Variants in RHOT1 observed in about 807,000 individuals in gnomAD.
The protein encoded by RHOT1 is mitochondrial Rho GTPase 1.
In RHOT1, 27 loss-of-function variants were observed where a neutral mutation model predicts 95.3. That is an observed-to-expected ratio of 0.28 (90% CI 0.21 to 0.39). The LOEUF is 0.39. RHOT1 is among the 10% of genes least tolerant of loss of function. RHOT1 has a pLI of 1.00. For missense variants in RHOT1, 578 were observed against 786.7 expected, an observed-to-expected ratio of 0.73 and a Z score of 3.17; for synonymous variants, 227 against 263.5, an observed-to-expected ratio of 0.86 and a Z score of 1.34.
chr17:32,196,717 G>A (rs1218838248), intron 11 of RHOT1, among the ~76,000 whole-genome samples: 2 of 152,160 alleles, frequency 1.3e-5, no homozygotes, highest in African/African-American at 4.8e-5. Flanking sequence ...AGATGACAAT[G>A]TTTCTCAGCA....
At chr17:32,144,654 A>T (rs1598260878) in intron 1 of RHOT1, among the ~76,000 whole-genome samples, 1 of 151,678 alleles carries the variant, frequency 6.6e-6, no homozygotes, top group South Asian at 2.1e-4. Context: ...TTTGAGACCA[A>T]CCTGGGCAAT....
At chr17:32,148,887 A>G (rs973982934) in intron 1 of RHOT1, among the ~76,000 whole-genome samples, 1 of 152,228 alleles carries the variant, frequency 6.6e-6, no homozygotes, top group African/African-American at 2.4e-5. Context: ...TAGATGTTCA[A>G]AAGATGTGAT....
intron 19 of RHOT1, chr17:32,222,817 A>G (rs1051587027): frequency 8.1e-6 from 8 of 983,814 alleles, no homozygotes; most frequent in African/African-American, 1.7e-5. Flanking sequence ...TGAGGGCAGT[A>G]TTACTCACCA....
At chr17:32,154,346 T>C (rs532130771) in intron 1 of RHOT1, among the ~76,000 whole-genome samples, 6 of 149,990 alleles carry the variant, frequency 4.0e-5, no homozygotes, top group East Asian at 3.9e-4. Context: ...TTTGGGAGGC[T>C]GAGGTGGGCA....
rs1368330852 is a variant in RHOT1, at chr17:32,225,329, T to G, written c.*596T>G. The G allele has an allele frequency of 6.6e-6, 1 of 152,636 alleles. No homozygotes were observed. Among genetic ancestry groups the G allele is most frequent in the Non-Finnish European group, 1.5e-5 (1 of 68,038 alleles). 9.5% of individuals were successfully genotyped at this position (152,636 alleles called of 1,614,324 possible). A position where few individuals can be genotyped will look rare whatever the true frequency, so the allele number is the denominator to read the frequency against. On this transcript the variant is annotated 3_prime_UTR_variant, in exon 20 of 20. Transcript: ENST00000545287. Reference sequence around the variant, plus strand: ...AAACTTGTGTAGCTGAGTGTGCAGCTCACCTTTAAGGGTGAAGTTAGGTAA... The same window carrying G: ...AAACTTGTGTAGCTGAGTGTGCAGCGCACCTTTAAGGGTGAAGTTAGGTAA...
chr17:32,194,465 T>A (rs1369178854), intron 11 of RHOT1, among the ~76,000 whole-genome samples: 1 of 152,190 alleles, frequency 6.6e-6, no homozygotes, highest in Non-Finnish European at 1.5e-5. Flanking sequence ...CAGTATAGGA[T>A]CTTTACCACA....
At chr17:32,210,725 C>T (rs912875180) in intron 18 of RHOT1, among the ~76,000 whole-genome samples, 4 of 151,964 alleles carry the variant, frequency 2.6e-5, no homozygotes, top group East Asian at 3.9e-4. Flanking sequence ...GTTATTTAAA[C>T]GCTAGCAAAC....
At chr17:32,211,616 CT>C (rs1277532838) in intron 19 of RHOT1, among the ~76,000 whole-genome samples, 4 of 152,054 alleles carry the variant, frequency 2.6e-5, no homozygotes, top group Non-Finnish European at 5.9e-5. Flanking sequence ...TTATACTGTA[CT>C]CAGCTTACAA....
chr17:32,152,410 C>T (rs540404556), intron 1 of RHOT1, among the ~76,000 whole-genome samples: 1 of 152,138 alleles, frequency 6.6e-6, no homozygotes, highest in Admixed American at 6.5e-5. Context: ...CATAGGGAGT[C>T]CATGGGAAAA....
At chr17:32,164,416 T>C (rs536854954) in intron 1 of RHOT1, among the ~76,000 whole-genome samples, 2 of 151,800 alleles carry the variant, frequency 1.3e-5, no homozygotes, top group South Asian at 4.2e-4. Context: ...GTATTTTTAG[T>C]AGAGACGGGG....
chr17:32,178,626 G>T (rs544271924), intron 6 of RHOT1, among the ~76,000 whole-genome samples: 1 of 152,280 alleles, frequency 6.6e-6, no homozygotes, highest in South Asian at 2.1e-4. Context: ...TCTAGGAAGT[G>T]AGGAGCATCT....
At chr17:32,151,966 A>G (rs1299420074) in intron 1 of RHOT1, among the ~76,000 whole-genome samples, 2 of 151,318 alleles carry the variant, frequency 1.3e-5, no homozygotes, top group Non-Finnish European at 2.9e-5. Flanking sequence ...AAGATCTTTT[A>G]TTGTACAATT....
At chr17:32,143,102 C>T (rs557415410) in intron 1 of RHOT1, 227 of 591,956 alleles carry the variant, frequency 3.8e-4, no homozygotes, top group Non-Finnish European at 7.0e-4. Flanking sequence ...CCCAGGCCGC[C>T]TCCTTTCAGA....
intron 8 of RHOT1, among the ~76,000 whole-genome samples, chr17:32,185,351 C>T (rs2035961001): frequency 6.6e-6 from 1 of 152,064 alleles, no homozygotes; most frequent in Non-Finnish European, 1.5e-5. Context: ...CTCAGGTGAT[C>T]CTCCTGCCTC....
intron 8 of RHOT1, among the ~76,000 whole-genome samples, chr17:32,188,948 A>G (rs764332134): frequency 5.9e-5 from 9 of 152,340 alleles, no homozygotes; most frequent in Non-Finnish European, 1.2e-4. Context: ...ATTTACTCCG[A>G]ATCCAGTATT....
chr17:32,202,026 C>T (rs1211929241), intron 14 of RHOT1, among the ~76,000 whole-genome samples: 1 of 152,168 alleles, frequency 6.6e-6, no homozygotes, highest in East Asian at 1.9e-4. Context: ...ATTCAGCTGC[C>T]TCAGCCTCCC....
In RHOT1 at chr17:32,193,184, A is replaced by G. The variant is rs2036626418; in HGVS notation, c.688A>G (p.Lys230Glu). The G allele has an allele frequency of 6.2e-7, 1 of 1,613,798 alleles. No homozygotes were observed. The highest frequency in any genetic ancestry group is 8.5e-7 in the Non-Finnish European group (1 of 1,179,812). ...AGCTCCTCAAGCTCTGGAGGATGTC[A>G]AGAATGTAGTCAGAAAACATATAAG... The part of the protein sequence containing the change: ...PLAPQALEDV[K>E]NVVRKHISDG... The change falls in exon 10 of 20, where the codon AAG (lysine) becomes GAG (glutamate). Residue 230 changes from lysine to glutamate, a missense_variant. By Grantham distance (56) the Lys-to-Glu change is moderately conservative. This residue lies in a region of RHOT1 where 227 missense variants were observed against 316.0 expected (regional missense o/e 0.72). Transcript: ENST00000545287.
At chr17:32,205,726 G>A (rs2037669555) in intron 16 of RHOT1, among the ~76,000 whole-genome samples, 1 of 152,116 alleles carries the variant, frequency 6.6e-6, no homozygotes. Context: ...GATCACCCTA[G>A]CCTGACCAAC....
intron 1 of RHOT1, chr17:32,160,083 C>T (rs552206056): frequency 6.6e-6 from 1 of 152,352 alleles, no homozygotes; most frequent in African/African-American, 2.4e-5. Flanking sequence ...GAGGAACTAC[C>T]CTCTCTGCTG....
Sources: allele counts gnomAD v4.1 joint callset (sites outside exome capture counted in the v4.1 genomes callset), GRCh38; gene constraint gnomAD v4.1.1; regional missense constraint gnomAD v4.1.1; transcripts MANE v1.5; gene names NCBI Gene and HGNC (gene_info 2026-07-23, HGNC 2026-07-21).